Variants in PPFIA2 observed in about 807,000 individuals in gnomAD.
The protein encoded by PPFIA2 is liprin-alpha-2.
A neutral mutation model predicts 175.5 loss-of-function variants in PPFIA2; 46 were observed. That is an observed-to-expected ratio of 0.26 (90% CI 0.21 to 0.34). The LOEUF (loss-of-function observed/expected upper bound fraction) is 0.34, where lower values mean the gene tolerates loss of function less well. PPFIA2 is among the 10% of genes least tolerant of loss of function. The pLI, the probability that PPFIA2 is intolerant of heterozygous loss-of-function variation, is 1.00. For missense variants in PPFIA2, 1,179 were observed against 1,506.1 expected (o/e 0.78, Z 3.60); for synonymous variants, 568 against 511.4 (o/e 1.11, Z -1.49).
intron 22 of PPFIA2, among the ~76,000 whole-genome samples, chr12:81,309,268 T>A (rs2050117509): frequency 6.6e-6 from 1 of 152,134 alleles, no homozygotes; most frequent in Non-Finnish European, 1.5e-5. Context: ...AACTACATAT[T>A]TGAGAAGCTA....
chr12:81,333,215 C>T (rs1222990198), intron 21 of PPFIA2, among the ~76,000 whole-genome samples: 1 of 152,184 alleles, frequency 6.6e-6, no homozygotes, highest in Non-Finnish European at 1.5e-5. Flanking sequence ...TGACACCCCA[C>T]TGTTCTTTCT....
At chr12:81,516,127 G>T (rs894419278) in intron 4 of PPFIA2, among the ~76,000 whole-genome samples, 4 of 152,100 alleles carry the variant, frequency 2.6e-5, no homozygotes, top group East Asian at 3.9e-4. Flanking sequence ...AAGCATATTG[G>T]ATTTGTTTCA....
chr12:81,732,563 T>G (rs769144651), intron 3 of PPFIA2, among the ~76,000 whole-genome samples: 9 of 148,242 alleles, frequency 6.1e-5, no homozygotes, highest in Non-Finnish European at 3.0e-5. Flanking sequence ...ACTAGTTTAG[T>G]TACAAACAAT....
In PPFIA2 at chr12:81,445,641, T is replaced by C; in HGVS notation, c.485A>G (p.Gln162Arg). 2 of 1,613,948 alleles carry C rather than the reference T, an allele frequency of 1.2e-6. No individual in the cohort carries two copies. The highest frequency in any genetic ancestry group is 1.7e-6 in the Non-Finnish European group (2 of 1,179,854). ...LRMTVVKRQA[Q>R]SPSGVSSEVE... is the part of the protein sequence containing the mutation. ...TTCACTGGATACTCCTGAGGGAGACTGGGCTTGCCGTTTTACCACCGTCAT... is the reference window on the plus strand; with the variant it reads ...TTCACTGGATACTCCTGAGGGAGACCGGGCTTGCCGTTTTACCACCGTCAT... Residue 162 changes from glutamine (Q) to arginine (R), a missense_variant, in exon 6 of 33, where the codon CAG becomes CGG. By Grantham distance (43) the Gln-to-Arg change is conservative (BLOSUM62 1). This residue lies in a region of PPFIA2 where 49 missense variants were observed against 108.9 expected (regional missense o/e 0.45). Coordinates refer to ENST00000549396, the MANE Select transcript of PPFIA2 (RefSeq NM_003625.5).
At chr12:81,560,460 T>C (rs1255068954) in intron 4 of PPFIA2, among the ~76,000 whole-genome samples, 1 of 152,196 alleles carries the variant, frequency 6.6e-6, no homozygotes, top group Non-Finnish European at 1.5e-5. Context: ...CAGAGTCATA[T>C]GTGTTTTAAA....
chr12:81,476,136 T>G (rs1196081198), intron 4 of PPFIA2, among the ~76,000 whole-genome samples: 1 of 152,206 alleles, frequency 6.6e-6, no homozygotes, highest in Non-Finnish European at 1.5e-5. Flanking sequence ...TTTGACCTCC[T>G]TTCATTCCTC....
At chr12:81,306,464 C>T (rs2049188754) in intron 22 of PPFIA2, among the ~76,000 whole-genome samples, 1 of 151,232 alleles carries the variant, frequency 6.6e-6, no homozygotes, top group African/African-American at 2.4e-5. Context: ...ACAAAAGTAA[C>T]TCACACAAAA....
chr12:81,638,961 A>G (rs2064544590), intron 4 of PPFIA2, among the ~76,000 whole-genome samples: 1 of 152,016 alleles, frequency 6.6e-6, no homozygotes, highest in Non-Finnish European at 1.5e-5. Flanking sequence ...TGCTGGGATT[A>G]CAGGCGTGAG....
chr12:81,669,374 G>T (rs985880368), intron 4 of PPFIA2, among the ~76,000 whole-genome samples: 5 of 151,926 alleles, frequency 3.3e-5, no homozygotes, highest in African/African-American at 1.2e-4. Flanking sequence ...TGTAAATCGT[G>T]TGCTCATTAA....
intron 4 of PPFIA2, among the ~76,000 whole-genome samples, chr12:81,495,982 T>C (rs2059982525): frequency 6.6e-6 from 1 of 152,214 alleles, no homozygotes; most frequent in Non-Finnish European, 1.5e-5. Context: ...TGGCAATATA[T>C]AGTATAATGA....
At chr12:81,582,506 T>C (rs1452378927) in intron 4 of PPFIA2, among the ~76,000 whole-genome samples, 1 of 151,814 alleles carries the variant, frequency 6.6e-6, no homozygotes, top group Non-Finnish European at 1.5e-5. Context: ...TTGACCCTTC[T>C]CTACAAAAGC....
intron 20 of PPFIA2, among the ~76,000 whole-genome samples, chr12:81,340,795 C>T (rs546232720): frequency 2.9e-4 from 44 of 152,074 alleles, no homozygotes; most frequent in African/African-American, 1.0e-3. Flanking sequence ...CTTCCTCTAG[C>T]CTGATCTCAT....
chr12:81,637,584 T>G (rs892155514), intron 4 of PPFIA2, among the ~76,000 whole-genome samples: 7 of 152,116 alleles, frequency 4.6e-5, no homozygotes, highest in African/African-American at 1.7e-4. Context: ...CATTGTAGCA[T>G]TTGCTTACCT....
intron 2 of PPFIA2, among the ~76,000 whole-genome samples, chr12:81,754,796 T>C (rs1336514731): frequency 3.3e-5 from 5 of 152,216 alleles, no homozygotes; most frequent in African/African-American, 1.2e-4. Flanking sequence ...CTTTGTTTTT[T>C]AGTCAACCGA....
intron 4 of PPFIA2, among the ~76,000 whole-genome samples, chr12:81,591,771 G>A (rs2058704321): frequency 6.6e-6 from 1 of 152,206 alleles, no homozygotes; most frequent in African/African-American, 2.4e-5. Context: ...TTCACAGGAT[G>A]TATGGAAATG....
chr12:81,429,556 A>T lies in PPFIA2; in HGVS notation c.645+10416T>A. On this transcript the variant is annotated intron_variant, in intron 7 of 32. Transcript: ENST00000549396. Reference sequence around the variant, plus strand: ...TACTTTCTCCATGTTTTTCTGCATAATTATCAGCTATTTAAGTTTCTTTTA... The same window carrying T: ...TACTTTCTCCATGTTTTTCTGCATATTTATCAGCTATTTAAGTTTCTTTTA... 1.3e-5 allele frequency among the ~76,000 whole-genome samples: 2 copies of T among 152,000 alleles called. 1 individual carries two copies. Among genetic ancestry groups the T allele is most frequent in the East Asian group, 3.9e-4 (2 of 5,190 alleles).
intron 4 of PPFIA2, among the ~76,000 whole-genome samples, chr12:81,605,089 T>G (rs900056304): frequency 2.0e-5 from 3 of 151,810 alleles, no homozygotes; most frequent in African/African-American, 7.2e-5. Flanking sequence ...ATCAGGAAAT[T>G]CAACTCACAT....
chr12:81,561,632 T>C (rs1359722267), intron 4 of PPFIA2, among the ~76,000 whole-genome samples: 2 of 152,204 alleles, frequency 1.3e-5, no homozygotes, highest in African/African-American at 4.8e-5. Flanking sequence ...TTATATTCTC[T>C]GGAGTGCTGT....
At chr12:81,715,460 G>C (rs1032944106) in intron 3 of PPFIA2, among the ~76,000 whole-genome samples, 1 of 151,644 alleles carries the variant, frequency 6.6e-6, no homozygotes, top group Non-Finnish European at 1.5e-5. Context: ...TTTCTCAGAT[G>C]ATATCAGATT....
Sources: gnomAD v4.1 joint callset for allele counts (sites outside exome capture counted in the v4.1 genomes callset) on GRCh38, gnomAD v4.1.1 for gene constraint, gnomAD v4.1.1 regional missense constraint, MANE v1.5 for transcripts, NCBI Gene and HGNC (gene_info 2026-07-23, HGNC 2026-07-21) for gene names.